The following UNC13C variants were observed in gnomAD, a reference collection of about 807,000 sequenced individuals.
The protein encoded by UNC13C is protein unc-13 homolog C.
In UNC13C, 174 loss-of-function variants were observed where a neutral mutation model predicts 245.4. The ratio of observed to expected loss-of-function variants is 0.71; its 90% CI spans 0.63 to 0.80. The LOEUF is 0.80. Among genes scored for constraint, UNC13C ranks in the 30% least tolerant of loss-of-function variants. The pLI is 0.00. For synonymous variants in UNC13C, 992 were observed against 895.1 expected (o/e 1.11, Z -1.93); for missense variants, 2,829 against 2,602.9 (o/e 1.09, Z -1.89).
chr15:54,125,911 A>G (rs1270937835), intron 2 of UNC13C, among the ~76,000 whole-genome samples: 1 of 152,158 alleles, frequency 6.6e-6, no homozygotes, highest in Non-Finnish European at 1.5e-5. Context: ...TTCAACTGCC[A>G]ATATCATGAA....
At chr15:54,039,183 C>G (rs890254691) in intron 2 of UNC13C, among the ~76,000 whole-genome samples, 1 of 152,290 alleles carries the variant, frequency 6.6e-6, no homozygotes, top group African/African-American at 2.4e-5. Context: ...TTTTTCTTCA[C>G]TGTTTTGTTC....
intron 4 of UNC13C, among the ~76,000 whole-genome samples, chr15:54,221,344 C>T (rs1235101146): frequency 6.6e-6 from 1 of 151,698 alleles, no homozygotes; most frequent in African/African-American, 2.4e-5. Flanking sequence ...AAGTGAATCA[C>T]CAATTGTACA....
At chr15:54,175,471 A>T (rs925450626) in intron 4 of UNC13C, among the ~76,000 whole-genome samples, 1 of 149,120 alleles carries the variant, frequency 6.7e-6, no homozygotes, top group Non-Finnish European at 1.5e-5. Flanking sequence ...GAAAAGAGAC[A>T]CTTTGTTCCC....
chr15:54,013,721 C>T lies in UNC13C; in HGVS notation c.818C>T (p.Ser273Phe), dbSNP rs1895496372. Residue 273 changes from serine (S) to phenylalanine (F), a missense_variant, in exon 2 of 33, where the codon TCC becomes TTC. Physicochemically the swap from Ser to Phe is radical, Grantham distance 155. Transcript: ENST00000260323. ...LRGHVNALKH[S>F]IDEISSSVEV... ...GGGCACGTCAATGCTCTCAAGCACT[C>T]CATCGATGAGATCTCCAGCAGTGTG... 1 of 1,612,882 alleles carries T rather than the reference C, an allele frequency of 6.2e-7. No individual in the cohort carries two copies. Among genetic ancestry groups the T allele is most frequent in the African/African-American group, 1.3e-5 (1 of 74,826 alleles).
rs1200568921 is a variant in UNC13C, at chr15:54,015,332, T to C, written c.2429T>C (p.Val810Ala). The change falls in exon 2 of 33, where the codon GTA (valine) becomes GCA (alanine). Residue 810 changes from valine (V) to alanine (A), a missense_variant. By Grantham distance (64) the Val-to-Ala change is moderately conservative. Transcript: ENST00000260323. The stretch of plus-strand genomic sequence containing the variant: ...CAGAGGGCTAAATCAGCCTTGGAAG[T>C]AGTATGGAACAAAAGCACACAGAGT... Reference protein sequence around the residue: ...TLQRAKSALEVVWNKSTQSLS... With the variant: ...TLQRAKSALEAVWNKSTQSLS... 1 of 1,613,802 alleles carries C rather than the reference T, an allele frequency of 6.2e-7. No individual in the cohort carries two copies. The highest frequency in any genetic ancestry group is 1.1e-5 in the South Asian group (1 of 91,068).
intron 2 of UNC13C, among the ~76,000 whole-genome samples, chr15:54,073,048 C>G (rs1566991326): frequency 6.6e-6 from 1 of 152,156 alleles, no homozygotes; most frequent in East Asian, 1.9e-4. Flanking sequence ...CACCCCCCGA[C>G]AGGCCCTGGT....
At chr15:53,931,871 G>A in the UNC13C span, among the ~76,000 whole-genome samples, 35 of 152,196 alleles carry the variant, frequency 2.3e-4, no homozygotes, top group East Asian at 1.9e-3. Context: ...GGTTCATATC[G>A]TAGGCATGAA....
chr15:53,846,035 T>A, the UNC13C span, among the ~76,000 whole-genome samples: 17 of 151,998 alleles, frequency 1.1e-4, no homozygotes, highest in Non-Finnish European at 2.4e-4. Flanking sequence ...TTACATGAGA[T>A]AGTTAACACT....
chr15:54,133,502 A>G (rs930505116), intron 2 of UNC13C, among the ~76,000 whole-genome samples: 1 of 152,162 alleles, frequency 6.6e-6, no homozygotes, highest in Non-Finnish European at 1.5e-5. Flanking sequence ...CTTTAATCCC[A>G]TTTATAGGGG....
intron 2 of UNC13C, among the ~76,000 whole-genome samples, chr15:54,079,490 A>T (rs2141114855): frequency 6.6e-6 from 1 of 151,812 alleles, no homozygotes; most frequent in Admixed American, 6.6e-5. Flanking sequence ...GATTTCTTTC[A>T]TCATTGTTTT....
intron 4 of UNC13C, among the ~76,000 whole-genome samples, chr15:54,217,707 T>A (rs1252881056): frequency 6.6e-6 from 1 of 151,952 alleles, no homozygotes. Context: ...GGCAAGTAAT[T>A]TTTTTCATTT....
At chr15:54,239,180 G>A (rs993814194) in intron 7 of UNC13C, among the ~76,000 whole-genome samples, 2 of 152,072 alleles carry the variant, frequency 1.3e-5, no homozygotes, top group African/African-American at 4.8e-5. Context: ...TTAACTTTCT[G>A]TAACTTAACA....
At chr15:54,417,347 T>G (rs1221797618) in intron 19 of UNC13C, among the ~76,000 whole-genome samples, 2 of 152,134 alleles carry the variant, frequency 1.3e-5, no homozygotes, top group East Asian at 3.9e-4. Context: ...TTCCAAGAGC[T>G]CAACACCTTT....
At chr15:54,225,311 A>G (rs1458835784) in intron 4 of UNC13C, among the ~76,000 whole-genome samples, 1 of 152,150 alleles carries the variant, frequency 6.6e-6, no homozygotes, top group Non-Finnish European at 1.5e-5. Flanking sequence ...TTGGTTCCAT[A>G]TAAACTTTAA....
At chr15:53,838,677 T>C in the UNC13C span, among the ~76,000 whole-genome samples, 1 of 152,156 alleles carries the variant, frequency 6.6e-6, no homozygotes, top group African/African-American at 2.4e-5. Context: ...TTAGGATATA[T>C]GCACTATTTT....
intron 2 of UNC13C, among the ~76,000 whole-genome samples, chr15:54,134,272 G>GT (rs5812742): frequency 0.92 from 134,574 of 146,672 alleles, 62,065 homozygotes; most frequent in South Asian, 0.99. Context: ...TATGAGTTCA[G>GT]TTTTTTTTTT....
At chr15:54,180,634 C>T (rs925472003) in intron 4 of UNC13C, among the ~76,000 whole-genome samples, 3 of 151,986 alleles carry the variant, frequency 2.0e-5, no homozygotes, top group African/African-American at 7.2e-5. Context: ...TAAGTGATCC[C>T]TTTTCTCTGC....
At chr15:53,852,696 C>T in the UNC13C span, among the ~76,000 whole-genome samples, 977 of 152,190 alleles carry the variant, frequency 6.4e-3, 6 homozygotes, top group Non-Finnish European at 9.6e-3. Flanking sequence ...TTTACCATAT[C>T]GTGTCCATTC....
rs186886720 is a variant in UNC13C, at chr15:54,477,663, T to G, written c.4934-16945T>G. Reference sequence around the variant, plus strand: ...CTTGAATCCCAGGGATGAAGCCCACTTGATCATGGTGGATAAGCTTTTTGA... The same window carrying G: ...CTTGAATCCCAGGGATGAAGCCCACGTGATCATGGTGGATAAGCTTTTTGA... On this transcript the variant is annotated intron_variant, in intron 19 of 32. Coordinates refer to ENST00000260323, the MANE Select transcript of UNC13C (RefSeq NM_001080534.3). Among the ~76,000 whole-genome samples the G allele has an allele frequency of 4.3e-3, 579 of 135,522 alleles. 30 individuals are homozygous for G. Among genetic ancestry groups the G allele is most frequent in the African/African-American group, 0.015 (545 of 36,134 alleles). 88.9% of individuals were successfully genotyped at this position (135,522 alleles called of 152,430 possible). A position where few individuals can be genotyped will look rare whatever the true frequency, so the allele number is the denominator to read the frequency against.
Sources: allele counts gnomAD v4.1 joint callset (sites outside exome capture counted in the v4.1 genomes callset), GRCh38; gene constraint gnomAD v4.1.1; transcripts MANE v1.5; gene names NCBI Gene and HGNC (gene_info 2026-07-23, HGNC 2026-07-21).